The following PRKAR2B variants were observed in gnomAD, a reference collection of about 807,000 sequenced individuals.
The protein encoded by PRKAR2B is cAMP-dependent protein kinase type II-beta regulatory subunit.
In PRKAR2B, 14 loss-of-function variants were observed where a neutral mutation model predicts 49.9. The observed-to-expected ratio is 0.28, with a 90% CI of 0.19 to 0.44. The LOEUF (loss-of-function observed/expected upper bound fraction) is 0.44, where lower values mean the gene tolerates loss of function less well. Among genes scored for constraint, PRKAR2B ranks in the 20% least tolerant of loss-of-function variants. The pLI is 1.00. For synonymous variants in PRKAR2B, 196 were observed against 197.7 expected (o/e 0.99, Z 0.07); for missense variants, 393 against 537.9 (o/e 0.73, Z 2.67).
chr7:107,093,973 C>T (rs1164000326), intron 2 of PRKAR2B, among the ~76,000 whole-genome samples: 3 of 152,068 alleles, frequency 2.0e-5, no homozygotes, highest in Non-Finnish European at 2.9e-5. Flanking sequence ...AATAAACATA[C>T]GTGTGCATGT....
intron 2 of PRKAR2B, among the ~76,000 whole-genome samples, chr7:107,100,207 T>A (rs1794932825): frequency 1.3e-5 from 2 of 152,184 alleles, no homozygotes; most frequent in South Asian, 4.1e-4. Flanking sequence ...ATACTCCTAG[T>A]CAGTGTTATC....
rs1203916989 is a variant in PRKAR2B, at chr7:107,107,879, A to G, written c.344-14073A>G. 6.6e-5 allele frequency among the ~76,000 whole-genome samples: 10 copies of G among 152,140 alleles called. No homozygotes were observed. In the East Asian group the frequency reaches 1.2e-3, roughly 18 times the overall value. On this transcript the variant is annotated intron_variant, in intron 2 of 10. Coordinates refer to ENST00000265717, the MANE Select transcript of PRKAR2B (RefSeq NM_002736.3). Reference sequence around the variant, plus strand: ...TACCACGTTGGCCAGGATGGTCTCCATCTCTTGACCTCGGGATCTGCCTGC... The same window carrying G: ...TACCACGTTGGCCAGGATGGTCTCCGTCTCTTGACCTCGGGATCTGCCTGC...
At chr7:107,072,504 GA>G (rs1794299164) in intron 2 of PRKAR2B, among the ~76,000 whole-genome samples, 2 of 151,782 alleles carry the variant, frequency 1.3e-5, no homozygotes, top group African/African-American at 2.4e-5. Context: ...TGTGGTATAA[GA>G]AAAAAGGGAA....
intron 5 of PRKAR2B, 28 bp from the exon 6 acceptor site, chr7:107,146,276 GAATT>G: frequency 1.3e-6 from 2 of 1,584,324 alleles, no homozygotes; most frequent in Non-Finnish European, 8.6e-7. Context: ...TATTTTATTT[GAATT>G]AACCTCCAAT....
At chr7:107,104,488 G>T (rs928262935) in intron 2 of PRKAR2B, among the ~76,000 whole-genome samples, 2 of 152,018 alleles carry the variant, frequency 1.3e-5, no homozygotes, top group Non-Finnish European at 2.9e-5. Context: ...GGCCTCGTTG[G>T]GGGGGTATAC....
At chr7:107,114,280 AT>A (rs1795227002) in intron 2 of PRKAR2B, among the ~76,000 whole-genome samples, 1 of 151,614 alleles carries the variant, frequency 6.6e-6, no homozygotes, top group South Asian at 2.1e-4. Flanking sequence ...AGAAAAAAAA[AT>A]TACACATTAC....
chr7:107,128,345 C>G, intron 4 of PRKAR2B, 50 bp downstream of exon 4: 1 of 1,392,472 alleles, frequency 7.2e-7, no homozygotes, highest in Non-Finnish European at 1.0e-6. Context: ...CCCCCAGTGA[C>G]AGTGTCAAGA....
chr7:107,131,174 A>G (rs908751038), intron 4 of PRKAR2B, among the ~76,000 whole-genome samples: 1 of 152,204 alleles, frequency 6.6e-6, no homozygotes, highest in African/African-American at 2.4e-5. Context: ...TTCCTATTCA[A>G]TGAACCAGTA....
intron 5 of PRKAR2B, among the ~76,000 whole-genome samples, chr7:107,144,441 A>C (rs868701472): frequency 6.6e-6 from 1 of 151,622 alleles, no homozygotes; most frequent in Non-Finnish European, 1.5e-5. Context: ...TTGCTTCTTT[A>C]TTATTAATAA....
chr7:107,135,101 A>G (rs1336724536), intron 4 of PRKAR2B, among the ~76,000 whole-genome samples: 4 of 152,120 alleles, frequency 2.6e-5, no homozygotes, highest in African/African-American at 9.7e-5. Context: ...TATCCAAAAT[A>G]TATAAATAAC....
At chr7:107,048,107 A>C (rs1562838806) in intron 1 of PRKAR2B, among the ~76,000 whole-genome samples, 3 of 152,202 alleles carry the variant, frequency 2.0e-5, no homozygotes. Flanking sequence ...ATTGGGATAC[A>C]GGTGGACCTG....
intron 5 of PRKAR2B, among the ~76,000 whole-genome samples, chr7:107,146,069 T>A (rs1239256686): frequency 6.6e-6 from 1 of 152,090 alleles, no homozygotes; most frequent in Non-Finnish European, 1.5e-5. Context: ...ACTATTTGGT[T>A]GTAGTCTTTA....
chr7:107,146,232 G>C (rs1459424637), intron 5 of PRKAR2B, 76 bp from the exon 6 acceptor site: 1 of 1,414,168 alleles, frequency 7.1e-7, no homozygotes, highest in African/African-American at 1.4e-5. Context: ...TATTTCACAG[G>C]GCTCTTTTCT....
At chr7:107,104,322 A>C (rs1795033300) in intron 2 of PRKAR2B, among the ~76,000 whole-genome samples, 1 of 152,222 alleles carries the variant, frequency 6.6e-6, no homozygotes, top group South Asian at 2.1e-4. Flanking sequence ...GGCATGAGCC[A>C]CTATGCCTGC....
At chr7:107,106,409 C>T (rs1398235901) in intron 2 of PRKAR2B, among the ~76,000 whole-genome samples, 1 of 152,164 alleles carries the variant, frequency 6.6e-6, no homozygotes. Context: ...TATCCTCTAC[C>T]ATACATCAGA....
intron 2 of PRKAR2B, among the ~76,000 whole-genome samples, chr7:107,072,831 A>G (rs1794307516): frequency 6.6e-6 from 1 of 152,184 alleles, no homozygotes; most frequent in African/African-American, 2.4e-5. Context: ...GAGTTTTCAG[A>G]GATACTTTTT....
chr7:107,055,143 G>C (rs1793887097), intron 1 of PRKAR2B, among the ~76,000 whole-genome samples: 2 of 152,122 alleles, frequency 1.3e-5, no homozygotes, highest in African/African-American at 4.8e-5. Context: ...GACATGAACT[G>C]ATCCTTTTTT....
intron 2 of PRKAR2B, among the ~76,000 whole-genome samples, chr7:107,114,104 T>C (rs901720512): frequency 6.6e-6 from 1 of 152,184 alleles, no homozygotes; most frequent in Non-Finnish European, 1.5e-5. Flanking sequence ...TGCATACTTG[T>C]AGAGCATGTT....
At chr7:107,144,921 C>CT (rs1795862305) in intron 5 of PRKAR2B, among the ~76,000 whole-genome samples, 1 of 150,130 alleles carries the variant, frequency 6.7e-6, no homozygotes, top group Non-Finnish European at 1.5e-5. Context: ...AGCATGTTCT[C>CT]TGATAAAATA....
Sources: gnomAD v4.1 joint callset for allele counts (sites outside exome capture counted in the v4.1 genomes callset) on GRCh38, gnomAD v4.1.1 for gene constraint, MANE v1.5 for transcripts, NCBI Gene and HGNC (gene_info 2026-07-23, HGNC 2026-07-21) for gene names.